Variants in CPA6 observed in about 807,000 individuals in gnomAD.
The protein encoded by CPA6 is carboxypeptidase A6.
In CPA6, 58 loss-of-function variants were observed where a neutral mutation model predicts 63.3. The ratio of observed to expected loss-of-function variants is 0.92; its 90% CI spans 0.74 to 1.14. The LOEUF is 1.14. CPA6 is among the 50% of genes most tolerant of loss of function. CPA6 has a pLI of 0.00. For missense variants in CPA6, 565 were observed against 526.6 expected, an observed-to-expected ratio of 1.07 and a Z score of -0.71; for synonymous variants, 185 against 179.0, an observed-to-expected ratio of 1.03 and a Z score of -0.27.
chr8:67,695,653 C>A (rs1373604985), intron 1 of CPA6, among the ~76,000 whole-genome samples: 2 of 152,224 alleles, frequency 1.3e-5, no homozygotes, highest in Non-Finnish European at 2.9e-5. Context: ...CCATGTTCCC[C>A]ACTATCTTGA....
intron 1 of CPA6, among the ~76,000 whole-genome samples, chr8:67,670,659 C>T (rs1356911444): frequency 6.6e-6 from 1 of 152,132 alleles, no homozygotes; most frequent in Non-Finnish European, 1.5e-5. Flanking sequence ...AACAGTTTGT[C>T]ACAATTACTA....
intron 8 of CPA6, among the ~76,000 whole-genome samples, chr8:67,450,036 G>T (rs891478320): frequency 6.6e-6 from 1 of 151,386 alleles, no homozygotes; most frequent in Admixed American, 6.6e-5. Context: ...GGCTGGTCTC[G>T]AACTCCTGAC....
chr8:67,724,439 T>C (rs759884869), intron 1 of CPA6, among the ~76,000 whole-genome samples: 3 of 152,340 alleles, frequency 2.0e-5, no homozygotes, highest in Admixed American at 6.5e-5. Context: ...CAAAAGCTTA[T>C]ATTCAGAAAG....
Position 67,422,380 on chromosome 8 carries a change from T to C in CPA6, c.*124A>G. The C allele has an allele frequency of 1.4e-6, 1 of 736,482 alleles. No individual in the cohort carries two copies. Among genetic ancestry groups the C allele is most frequent in the Non-Finnish European group, 2.1e-6 (1 of 468,642 alleles). 45.6% of individuals were successfully genotyped at this position (736,482 alleles called of 1,614,324 possible). On this transcript the variant is annotated 3_prime_UTR_variant, in exon 11 of 11. Transcript: ENST00000297770. The stretch of plus-strand genomic sequence containing the variant: ...CCACAAAGTCAAATTGCGTGGGGTC[T>C]TTTTAAAGTCCATAGACATGTTCAC...
At chr8:67,620,532 A>G (rs1240718887) in intron 2 of CPA6, among the ~76,000 whole-genome samples, 1 of 152,202 alleles carries the variant, frequency 6.6e-6, no homozygotes, top group Non-Finnish European at 1.5e-5. Context: ...ATGCACAGGG[A>G]ATGCAAAGAA....
At position 67,453,444 on chromosome 8, in the gene CPA6, T is replaced by C. The variant is rs144230836; in HGVS notation, c.839-19204A>G. 8.7e-4 allele frequency among the ~76,000 whole-genome samples: 132 copies of C among 152,314 alleles called. 1 individual carries two copies. Among genetic ancestry groups the C allele is most frequent in the African/African-American group, 2.5e-3 (104 of 41,570 alleles). ...AGAGTGAAGGTCAGGAGTTCATTTC[T>C]GGATATTTTGAGTTGAGATGTCTAT... On this transcript the variant is annotated intron_variant, in intron 8 of 10. Coordinates refer to ENST00000297770, the MANE Select transcript of CPA6 (RefSeq NM_020361.5).
chr8:67,649,817 A>T (rs1432748375), intron 1 of CPA6, among the ~76,000 whole-genome samples: 1 of 152,182 alleles, frequency 6.6e-6, no homozygotes, highest in Non-Finnish European at 1.5e-5. Flanking sequence ...CTGACCAAAA[A>T]AAATGCTTCT....
rs1007305743 is a variant in CPA6, at chr8:67,681,200, C to CTTTT, written c.117-56953_117-56950dup. Among the ~76,000 whole-genome samples the CTTTT allele has an allele frequency of 3.3e-4, 30 of 89,874 alleles. 2 individuals are homozygous for CTTTT. The highest frequency in any genetic ancestry group is 7.4e-4 in the African/African-American group (12 of 16,234). 59.0% of individuals were successfully genotyped at this position (89,874 alleles called of 152,430 possible). On this transcript the variant is annotated intron_variant, in intron 1 of 10. Coordinates refer to ENST00000297770, the MANE Select transcript of CPA6 (RefSeq NM_020361.5). ...CTCAACCCAAGGTCACAAAGATTTTCTTTTTTTTTTTTTTTTTTTTGAGAC... is the reference window on the plus strand; with the variant it reads ...CTCAACCCAAGGTCACAAAGATTTTCTTTTTTTTTTTTTTTTTTTTTTTTGAGAC...
intron 1 of CPA6, among the ~76,000 whole-genome samples, chr8:67,631,590 C>T (rs1245887709): frequency 6.6e-6 from 1 of 152,166 alleles, no homozygotes; most frequent in Non-Finnish European, 1.5e-5. Context: ...ATGGACCAAT[C>T]AGCAGGATGT....
chr8:67,472,412 CTTATTTTATTTTATT>C (rs76537277), intron 8 of CPA6, among the ~76,000 whole-genome samples: 2 of 57,768 alleles, frequency 3.5e-5, no homozygotes, highest in South Asian at 4.6e-4. Context: ...TTTATCTTAT[CTTATTTTATTTTATT>C]TTATTTTATT....
At chr8:67,559,461 C>A (rs1813150103) in intron 2 of CPA6, among the ~76,000 whole-genome samples, 1 of 152,136 alleles carries the variant, frequency 6.6e-6, no homozygotes. Context: ...CACCCCTGCA[C>A]TATCCCATGG....
chr8:67,508,909 A>C (rs1811986810), intron 5 of CPA6, among the ~76,000 whole-genome samples: 1 of 152,148 alleles, frequency 6.6e-6, no homozygotes. Flanking sequence ...TTATAAATAA[A>C]AGAGGTTTAA....
chr8:67,733,249 T>C (rs1344423619), intron 1 of CPA6, among the ~76,000 whole-genome samples: 2 of 140,528 alleles, frequency 1.4e-5, no homozygotes, highest in African/African-American at 2.7e-5. Context: ...GTCTATCACC[T>C]GGAGGGCTTG....
chr8:67,658,988 A>G (rs1214581941), intron 1 of CPA6, among the ~76,000 whole-genome samples: 2 of 152,188 alleles, frequency 1.3e-5, no homozygotes, highest in African/African-American at 4.8e-5. Context: ...CAAAGCAGGA[A>G]AATTGTATTT....
chr8:67,430,793 C>A (rs530291801), intron 9 of CPA6, among the ~76,000 whole-genome samples: 50 of 152,234 alleles, frequency 3.3e-4, no homozygotes, highest in African/African-American at 1.1e-3. Flanking sequence ...ATCCCCCCAC[C>A]CTGTTGTGCC....
intron 8 of CPA6, among the ~76,000 whole-genome samples, chr8:67,467,386 C>T (rs139050940): frequency 1.8e-4 from 28 of 152,240 alleles, no homozygotes; most frequent in Admixed American, 4.6e-4. Context: ...CCTCCATTCC[C>T]ACAAGCACCT....
At chr8:67,698,282 A>G (rs1020294511) in intron 1 of CPA6, among the ~76,000 whole-genome samples, 8 of 152,306 alleles carry the variant, frequency 5.3e-5, no homozygotes, top group African/African-American at 1.9e-4. Context: ...GGGCTCTCAC[A>G]CCAGAAATGA....
At position 67,434,231 on chromosome 8, in the gene CPA6, G is replaced by A. The variant is rs1376045524; in HGVS notation, c.848C>T (p.Ala283Val). 3 of 1,613,734 alleles carry A rather than the reference G, an allele frequency of 1.9e-6. No homozygotes were observed. Among genetic ancestry groups the A allele is most frequent in the East Asian group, 2.2e-5 (1 of 44,872 alleles). ...TGTGTCATCACAAGGGTGCATAGAA[G>A]CTCCTTCATCTGCAAGTCAGAAAAG... ...NWKVKWCDEG[A>V]SMHPCDDTYC... The change falls in exon 9 of 11, where the codon GCT (alanine) becomes GTT (valine). Residue 283 changes from alanine to valine, a missense_variant. Physicochemically the swap from Ala to Val is moderately conservative, Grantham distance 64. Coordinates refer to ENST00000297770, the MANE Select transcript of CPA6 (RefSeq NM_020361.5).
intron 1 of CPA6, among the ~76,000 whole-genome samples, chr8:67,717,385 G>A (rs910084316): frequency 6.6e-6 from 1 of 152,170 alleles, no homozygotes; most frequent in South Asian, 2.1e-4. Context: ...ATTGCCAGAA[G>A]TATCTTTTCT....
Sources: allele counts gnomAD v4.1 joint callset (sites outside exome capture counted in the v4.1 genomes callset), GRCh38; gene constraint gnomAD v4.1.1; transcripts MANE v1.5; gene names NCBI Gene and HGNC (gene_info 2026-07-23, HGNC 2026-07-21).